BARD1: variants seen among roughly 807,000 people sequenced by gnomAD.
The protein encoded by BARD1 is BRCA1-associated RING domain protein 1.
Under a neutral mutation model 77.0 loss-of-function variants are expected in BARD1, and 73 were observed. The observed-to-expected ratio is 0.95, with a 90% CI of 0.79 to 1.15. The LOEUF (loss-of-function observed/expected upper bound fraction) is 1.15. Among genes scored for constraint, BARD1 ranks in the 50% most tolerant of loss-of-function variants. BARD1 has a pLI of 0.00. For synonymous variants in BARD1, 384 were observed against 338.0 expected, an observed-to-expected ratio of 1.14 and a Z score of -1.49; for missense variants, 993 against 938.8, an observed-to-expected ratio of 1.06 and a Z score of -0.75.
intron 4 of BARD1, among the ~76,000 whole-genome samples, chr2:214,771,813 G>A (rs115754409): frequency 0.015 from 2,232 of 148,732 alleles, 13 homozygotes; most frequent in Middle Eastern, 0.031. Flanking sequence ...TTCTAAAAAA[G>A]TAAATTCTCA....
At chr2:214,737,284 A>G (rs909744504) in intron 9 of BARD1, among the ~76,000 whole-genome samples, 1 of 152,130 alleles carries the variant, frequency 6.6e-6, no homozygotes, top group African/African-American at 2.4e-5. Flanking sequence ...CAGAGTCCTC[A>G]GCCTGCCGAT....
At chr2:214,733,191 A>G (rs1005157867) in intron 9 of BARD1, among the ~76,000 whole-genome samples, 1 of 152,154 alleles carries the variant, frequency 6.6e-6, no homozygotes, top group Non-Finnish European at 1.5e-5. Flanking sequence ...CGCTCTTCCT[A>G]TATCATATTT....
intron 6 of BARD1, among the ~76,000 whole-genome samples, chr2:214,757,002 A>T (rs375274594): frequency 6.6e-6 from 1 of 152,126 alleles, no homozygotes; most frequent in South Asian, 2.1e-4. Context: ...ATAAATAAAT[A>T]AATTAAAAGG....
intron 1 of BARD1, among the ~76,000 whole-genome samples, chr2:214,799,560 G>T (rs374704640): frequency 6.6e-6 from 1 of 151,880 alleles, no homozygotes; most frequent in Admixed American, 6.6e-5. Flanking sequence ...AGGAAAATTC[G>T]ATCTCCTTTA....
At chr2:214,797,196 C>G (rs1574847663) in intron 1 of BARD1, 79 bp from the exon 2 acceptor site, 2 of 1,075,016 alleles carry the variant, frequency 1.9e-6, no homozygotes, top group Non-Finnish European at 2.9e-6. Flanking sequence ...CATCCAAGGC[C>G]CAACACTACC....
At chr2:214,771,769 TC>T (rs1348477255) in intron 4 of BARD1, among the ~76,000 whole-genome samples, 2 of 152,038 alleles carry the variant, frequency 1.3e-5, no homozygotes, top group East Asian at 3.9e-4. Flanking sequence ...TGTCTCTGTT[TC>T]TGTGCTCTGG....
chr2:214,796,419 T>A (rs922581596), intron 2 of BARD1, among the ~76,000 whole-genome samples: 1 of 152,134 alleles, frequency 6.6e-6, no homozygotes, highest in African/African-American at 2.4e-5. Flanking sequence ...GGTATTCGTA[T>A]GAAAAGAGGA....
chr2:214,796,988 T>C, intron 2 of BARD1, 73 bp downstream of exon 2: 1 of 1,160,676 alleles, frequency 8.6e-7, no homozygotes, highest in Non-Finnish European at 1.3e-6. Flanking sequence ...ACCATTATTA[T>C]CAACAAGATT....
intron 4 of BARD1, among the ~76,000 whole-genome samples, chr2:214,779,311 A>C (rs151182486): frequency 2.9e-3 from 442 of 152,342 alleles, no homozygotes; most frequent in African/African-American, 0.01. Flanking sequence ...CCTCCAGTAT[A>C]CTTTAAATCA....
Position 214,728,665 on chromosome 2 carries a change from T to C in BARD1, c.*11A>G. On this transcript the variant is annotated 3_prime_UTR_variant, in exon 11 of 11. Coordinates refer to ENST00000260947, the MANE Select transcript of BARD1 (RefSeq NM_000465.4). ...GCAAATTCAATTTGAAATGTTCATC[T>C]GGTATAATATTCAGCTGTCAAGAGG... is the stretch of plus-strand genomic sequence containing the variant. 2 of 1,613,722 alleles carry C rather than the reference T, an allele frequency of 1.2e-6. No individual in the cohort carries two copies. Among genetic ancestry groups the C allele is most frequent in the Admixed American group, 1.7e-5 (1 of 59,990 alleles).
At chr2:214,790,148 T>A (rs1237463031) in intron 3 of BARD1, among the ~76,000 whole-genome samples, 2 of 152,166 alleles carry the variant, frequency 1.3e-5, no homozygotes, top group Non-Finnish European at 2.9e-5. Context: ...TCTATCTTAC[T>A]CTTTTTTGCA....
At chr2:214,746,337 A>G (rs922766569) in intron 7 of BARD1, among the ~76,000 whole-genome samples, 1 of 152,206 alleles carries the variant, frequency 6.6e-6, no homozygotes, top group African/African-American at 2.4e-5. Flanking sequence ...TAGCATCAAA[A>G]TAGTAACCCC....
At chr2:214,754,484 G>A (rs955943764) in intron 6 of BARD1, among the ~76,000 whole-genome samples, 3 of 151,958 alleles carry the variant, frequency 2.0e-5, no homozygotes, top group Admixed American at 6.6e-5. Flanking sequence ...AATCACATTA[G>A]CATAGTTATT....
intron 4 of BARD1, among the ~76,000 whole-genome samples, chr2:214,774,130 G>C (rs1403649191): frequency 1.3e-5 from 2 of 152,152 alleles, no homozygotes; most frequent in African/African-American, 2.4e-5. Context: ...TCTAATTCTA[G>C]TTATCTTGCT....
chr2:214,767,750 T>C, intron 5 of BARD1, 96 bp from the exon 6 acceptor site: 1 of 1,176,168 alleles, frequency 8.5e-7, no homozygotes, highest in Non-Finnish European at 1.2e-6. Context: ...AATGTAAACG[T>C]CAGGCAGTAA....
intron 3 of BARD1, among the ~76,000 whole-genome samples, chr2:214,786,051 A>G (rs561392738): frequency 3.9e-5 from 6 of 152,088 alleles, no homozygotes; most frequent in Non-Finnish European, 7.4e-5. Flanking sequence ...TTACAGAACC[A>G]AAGAAAACTT....
intron 9 of BARD1, among the ~76,000 whole-genome samples, chr2:214,736,383 G>A (rs114551583): frequency 0.02 from 3,005 of 151,970 alleles, 106 homozygotes; most frequent in African/African-American, 0.067. Flanking sequence ...TCCTCATTAC[G>A]TAAGCAGGTA....
rs191555343 is a variant in BARD1 at position 214,758,248 on chromosome 2, G to A, written c.1569-5693C>T. ...ACTTTACACGAATTACTTAAATCCC[G>A]TGCCTGTTTCCTCATTTATAAGATG... On this transcript the variant is annotated intron_variant, in intron 6 of 10. Coordinates refer to ENST00000260947, the MANE Select transcript of BARD1 (RefSeq NM_000465.4). Among the ~76,000 whole-genome samples the A allele has an allele frequency of 5.8e-4, 88 of 152,254 alleles. 1 individual carries two copies. The highest frequency in any genetic ancestry group is 1.2e-3 in the Non-Finnish European group (79 of 68,018).
chr2:214,737,866 T>C (rs1692635322), intron 9 of BARD1, among the ~76,000 whole-genome samples: 4 of 152,180 alleles, frequency 2.6e-5, no homozygotes, highest in African/African-American at 9.6e-5. Context: ...AACTATTTTA[T>C]ATTTGTAATA....
Sources: gnomAD v4.1 joint callset for allele counts (sites outside exome capture counted in the v4.1 genomes callset) on GRCh38, gnomAD v4.1.1 for gene constraint, MANE v1.5 for transcripts, NCBI Gene and HGNC (gene_info 2026-07-23, HGNC 2026-07-21) for gene names.